Variants in RANBP10 observed in about 807,000 individuals in gnomAD.
RANBP10 encodes the protein RAN binding protein 10, also known as ran-binding protein 10.
A neutral mutation model predicts 72.8 loss-of-function variants in RANBP10; 24 were observed. The observed-to-expected ratio is 0.33, with a 90% CI of 0.24 to 0.46. The LOEUF (loss-of-function observed/expected upper bound fraction) is 0.46, where lower values mean the gene tolerates loss of function less well. Among genes scored for constraint, RANBP10 ranks in the 20% least tolerant of loss-of-function variants. RANBP10 has a pLI of 1.00. For missense variants in RANBP10, 679 were observed against 817.5 expected, an observed-to-expected ratio of 0.83 and a Z score of 2.07; for synonymous variants, 310 against 322.3, an observed-to-expected ratio of 0.96 and a Z score of 0.41.
chr16:67,781,792 A>G (rs1489262747), intron 2 of RANBP10, among the ~76,000 whole-genome samples: 1 of 152,214 alleles, frequency 6.6e-6, no homozygotes, highest in Non-Finnish European at 1.5e-5. Context: ...AGAAGAGGGC[A>G]GCAAATAGGC....
In RANBP10 at chr16:67,726,371, G is replaced by A. The variant is rs564879271; in HGVS notation, c.*57C>T. The A allele has an allele frequency of 6.2e-7, 1 of 1,605,956 alleles. No homozygotes were observed. Among genetic ancestry groups the A allele is most frequent in the Non-Finnish European group, 8.5e-7 (1 of 1,177,272 alleles). On this transcript the variant is annotated 3_prime_UTR_variant, in exon 14 of 14. Coordinates refer to ENST00000317506, the MANE Select transcript of RANBP10 (RefSeq NM_020850.3). ...TGCACCAGTTGCCTATGGAGGGCAG[G>A]GCAGCTCCAGCCCTGGGGCCAGTGG...
intron 2 of RANBP10, among the ~76,000 whole-genome samples, chr16:67,800,192 G>C (rs1017346496): frequency 6.6e-6 from 1 of 151,962 alleles, no homozygotes; most frequent in Non-Finnish European, 1.5e-5. Context: ...TGGAATGAAT[G>C]AATGAGTGCA....
In RANBP10 at chr16:67,761,771, A is replaced by G. The variant is rs904435497; in HGVS notation, c.400+10263T>C. Among the ~76,000 whole-genome samples the G allele has an allele frequency of 3.9e-5, 6 of 152,262 alleles. No homozygotes were observed. The South Asian group carries it at 1.2e-3, about 32-fold the overall frequency. ...TCTTTGGTAGAGACGGGGTTTTACCACATTGGCCAGACTGGTCTCGAACTC... is the reference window on the plus strand; with the variant it reads ...TCTTTGGTAGAGACGGGGTTTTACCGCATTGGCCAGACTGGTCTCGAACTC... On this transcript the variant is annotated intron_variant, in intron 3 of 13. Transcript: ENST00000317506.
At chr16:67,800,121 A>G (rs2055208510) in intron 2 of RANBP10, among the ~76,000 whole-genome samples, 1 of 152,006 alleles carries the variant, frequency 6.6e-6, no homozygotes, top group Non-Finnish European at 1.5e-5. Context: ...ACTCTGTTTC[A>G]AAAACAACAA....
chr16:67,778,626 G>A (rs1490287018), intron 2 of RANBP10, among the ~76,000 whole-genome samples: 1 of 152,192 alleles, frequency 6.6e-6, no homozygotes, highest in African/African-American at 2.4e-5. Context: ...TGAGGCAGGA[G>A]GATCGCTTGA....
At position 67,744,444 on chromosome 16, in the gene RANBP10, G is replaced by A. The variant is rs771615330; in HGVS notation, c.412C>T (p.His138Tyr). 7.4e-6 allele frequency: 12 copies of A among 1,613,410 alleles called. No individual in the cohort carries two copies. Among genetic ancestry groups the A allele is most frequent in the Non-Finnish European group, 9.3e-6 (11 of 1,179,578 alleles). The change falls in exon 4 of 14, where the codon CAT (histidine) becomes TAT (tyrosine). Residue 138 changes from histidine (H) to tyrosine (Y), a missense_variant. Transcript: ENST00000317506. The part of the protein sequence containing the change: ...NMNRLPGWDK[H>Y]SYGYHGDDGH... ...TCATCACCATGGTAACCATAGGAAT[G>A]TTTGTCCCAACCTGTGGGGGAAGAG...
chr16:67,805,131 A>G (rs2055329347), intron 2 of RANBP10, among the ~76,000 whole-genome samples: 1 of 152,222 alleles, frequency 6.6e-6, no homozygotes, highest in African/African-American at 2.4e-5. Context: ...CTCATGAGGG[A>G]AACTCCATTC....
At chr16:67,799,554 C>G (rs141851686) in intron 2 of RANBP10, among the ~76,000 whole-genome samples, 3 of 151,984 alleles carry the variant, frequency 2.0e-5, no homozygotes, top group African/African-American at 7.2e-5. Flanking sequence ...CCCAAAGTGC[C>G]GGGAATACAG....
intron 2 of RANBP10, among the ~76,000 whole-genome samples, chr16:67,786,289 A>T (rs1235452171): frequency 2.0e-5 from 3 of 152,166 alleles, no homozygotes; most frequent in Non-Finnish European, 4.4e-5. Context: ...AGATTGCACC[A>T]CTGCACTCCA....
At chr16:67,733,951 T>C (rs1278230715) in intron 6 of RANBP10, among the ~76,000 whole-genome samples, 1 of 152,208 alleles carries the variant, frequency 6.6e-6, no homozygotes, top group East Asian at 1.9e-4. Flanking sequence ...GGAGTGGCGC[T>C]GTCCTGGCCA....
At chr16:67,749,131 C>T (rs2054146886) in intron 3 of RANBP10, among the ~76,000 whole-genome samples, 1 of 152,152 alleles carries the variant, frequency 6.6e-6, no homozygotes, top group Non-Finnish European at 1.5e-5. Context: ...AGAAGGATAA[C>T]AGGGCCAAGG....
Position 67,728,281 on chromosome 16 carries a change from A to G in RANBP10, c.1474+109T>C, listed in dbSNP as rs2053649221. 13 of 1,216,480 alleles carry G rather than the reference A, an allele frequency of 1.1e-5. No homozygotes were observed. The South Asian group carries it at 1.5e-4, about 14-fold the overall frequency. The allele number at this position is 1,216,480 out of a possible 1,614,324, so 75.4% of individuals were successfully genotyped here. ...GGAGGCTGTGGACCAGGTCTGGCTG[A>G]AGCTTCTCAAGATGCCAAAGCCTGC... is the stretch of plus-strand genomic sequence containing the variant. On this transcript the variant is annotated intron_variant, in intron 11 of 13. Coordinates refer to ENST00000317506, the MANE Select transcript of RANBP10 (RefSeq NM_020850.3).
At chr16:67,767,855 C>A (rs558255872) in intron 3 of RANBP10, among the ~76,000 whole-genome samples, 1 of 152,198 alleles carries the variant, frequency 6.6e-6, no homozygotes, top group African/African-American at 2.4e-5. Flanking sequence ...CTTGGCCTCC[C>A]AAAGTGATGG....
chr16:67,783,541 T>A (rs1256955325), intron 2 of RANBP10, among the ~76,000 whole-genome samples: 2 of 152,186 alleles, frequency 1.3e-5, no homozygotes, highest in African/African-American at 4.8e-5. Flanking sequence ...TCCAGCCTAA[T>A]TCAAGACTAT....
chr16:67,750,477 C>T (rs1201735593), intron 3 of RANBP10, among the ~76,000 whole-genome samples: 1 of 152,196 alleles, frequency 6.6e-6, no homozygotes, highest in Admixed American at 6.5e-5. Flanking sequence ...AGTCACTGTT[C>T]CCGGGACTGT....
intron 2 of RANBP10, among the ~76,000 whole-genome samples, chr16:67,804,160 C>CA (rs1474191019): frequency 4.6e-5 from 7 of 152,138 alleles, no homozygotes; most frequent in Non-Finnish European, 8.8e-5. Flanking sequence ...AACACACCCT[C>CA]AGCGTTGGCA....
Position 67,724,038 on chromosome 16 carries a change from G to A in RANBP10, c.*2390C>T, listed in dbSNP as rs1160072066. ...CAGTGAGATAAGGCACAGAAAATGGGGAGGTGGCCATGGGTACCAAGTGCG... is the reference window on the plus strand; with the variant it reads ...CAGTGAGATAAGGCACAGAAAATGGAGAGGTGGCCATGGGTACCAAGTGCG... On this transcript the variant is annotated 3_prime_UTR_variant, in exon 14 of 14. Coordinates refer to ENST00000317506, the MANE Select transcript of RANBP10 (RefSeq NM_020850.3). The A allele has an allele frequency of 6.5e-6, 1 of 152,768 alleles. No individual in the cohort carries two copies. The highest frequency in any genetic ancestry group is 1.5e-5 in the Non-Finnish European group (1 of 68,218). The allele number at this position is 152,768 out of a possible 1,614,324, so 9.5% of individuals were successfully genotyped here.
intron 2 of RANBP10, among the ~76,000 whole-genome samples, chr16:67,783,552 G>A (rs1177853428): frequency 6.6e-6 from 1 of 152,132 alleles, no homozygotes; most frequent in Non-Finnish European, 1.5e-5. Context: ...TCAAGACTAT[G>A]GGTCTTAGAT....
intron 2 of RANBP10, among the ~76,000 whole-genome samples, chr16:67,780,246 AAAC>A (rs1344421663): frequency 5.9e-5 from 9 of 151,446 alleles, no homozygotes; most frequent in African/African-American, 1.9e-4. Context: ...ACAAACAAAC[AAAC>A]AAAAAAACAC....
Sources: allele counts gnomAD v4.1 joint callset (sites outside exome capture counted in the v4.1 genomes callset), GRCh38; gene constraint gnomAD v4.1.1; transcripts MANE v1.5; gene names NCBI Gene and HGNC (gene_info 2026-07-23, HGNC 2026-07-21).